The following DNMT3A variants were observed in gnomAD, a reference collection of about 807,000 sequenced individuals.
DNMT3A encodes the protein DNA methyltransferase 3 alpha.
Under a neutral mutation model 117.6 loss-of-function variants are expected in DNMT3A, and 267 were observed. That is an observed-to-expected ratio of 2.27 (90% CI 2.05 to 2.51). DNMT3A has a LOEUF of 2.51. Ranked by LOEUF, DNMT3A falls within the 30% of genes most tolerant of loss-of-function variation. The probability of loss-of-function intolerance (pLI) is 0.00; values close to 1 mark genes in which losing one functional copy is unlikely to be tolerated. For missense variants in DNMT3A, 1,029 were observed against 1,260.2 expected (o/e 0.82, Z 2.78); for synonymous variants, 432 against 474.8 (o/e 0.91, Z 1.17).
chr2:25,303,201 G>C (rs1430643587), intron 2 of DNMT3A, among the ~76,000 whole-genome samples: 1 of 152,228 alleles, frequency 6.6e-6, no homozygotes, highest in African/African-American at 2.4e-5. Flanking sequence ...ACTAATCAGA[G>C]ATGTGAAAGC....
chr2:25,301,356 T>TG (rs980736714), intron 2 of DNMT3A, among the ~76,000 whole-genome samples: 1 of 152,106 alleles, frequency 6.6e-6, no homozygotes, highest in African/African-American at 2.4e-5. Context: ...TGGACAACTA[T>TG]GGAAAGTGGA....
chr2:25,272,991 T>TTTTTTTTTTTTA (rs1553421119), intron 6 of DNMT3A, among the ~76,000 whole-genome samples: 29 of 147,852 alleles, frequency 2.0e-4, no homozygotes, highest in Admixed American at 3.3e-4. Flanking sequence ...TTTTTTTTTT[T>TTTTTTTTTTTTA]GAGACAGAGT....
intron 3 of DNMT3A, among the ~76,000 whole-genome samples, chr2:25,289,708 A>C (rs2032601911): frequency 6.6e-6 from 1 of 152,194 alleles, no homozygotes; most frequent in Non-Finnish European, 1.5e-5. Context: ...TGCAGTGCCC[A>C]AGAAAGGCCG....
In DNMT3A at chr2:25,235,794, G is replaced by T; in HGVS notation, c.2510C>A (p.Ser837Ter). The change falls in exon 22 of 23, where the codon TCA becomes TAA. Residue 837 changes from serine to a stop codon, truncating the protein, a stop_gained. Transcript: ENST00000321117. LOFTEE classifies it high-confidence loss of function. ...FSKVRTITTR[S>*]NSIKQGKDQH... ...GTCTTTGCCCTGCTTTATGGAGTTT[G>T]ACCTCGTAGTAATGGTCCTCACTTT... The T allele has an allele frequency of 6.2e-7, 1 of 1,614,146 alleles. No individual in the cohort carries two copies. Among genetic ancestry groups the T allele is most frequent in the Non-Finnish European group, 8.5e-7 (1 of 1,180,002 alleles).
chr2:25,266,259 T>C (rs1299037781), intron 6 of DNMT3A, among the ~76,000 whole-genome samples: 2 of 152,208 alleles, frequency 1.3e-5, no homozygotes, highest in African/African-American at 4.8e-5. Context: ...CCAAACATCA[T>C]CATCTCCTTC....
chr2:25,329,132 C>T (rs1007206488), intron 1 of DNMT3A, among the ~76,000 whole-genome samples: 11 of 152,196 alleles, frequency 7.2e-5, no homozygotes, highest in Admixed American at 2.0e-4. Context: ...CCTTTCTCCT[C>T]ATCGTCTGTC....
intron 4 of DNMT3A, among the ~76,000 whole-genome samples, chr2:25,278,360 T>C (rs1325530979): frequency 6.6e-6 from 1 of 152,210 alleles, no homozygotes; most frequent in Non-Finnish European, 1.5e-5. Context: ...GACCAGGCTG[T>C]AGCCAGGTTT....
At position 25,305,443 on chromosome 2, in the gene DNMT3A, T is replaced by G. The variant is rs1350638795; in HGVS notation, c.73-5200A>C. The stretch of plus-strand genomic sequence containing the variant: ...GCGCTGGGCTATGACGATAATAATC[T>G]CTCACATTTGCACTGAACGTGGTAA... On this transcript the variant is annotated intron_variant, in intron 2 of 22. Coordinates refer to ENST00000321117, the MANE Select transcript of DNMT3A (RefSeq NM_022552.5). This position sits in a 1 kb window ranked among gnomAD's most constrained non-coding sequence, Gnocchi z 4.1. Among the ~76,000 whole-genome samples the G allele has an allele frequency of 1.3e-5, 2 of 152,230 alleles. No individual in the cohort carries two copies. Among genetic ancestry groups the G allele is most frequent in the Admixed American group, 6.5e-5 (1 of 15,284 alleles).
rs368553645 is a variant in DNMT3A, at chr2:25,296,482, C to T, written c.177+3657G>A. 7.0e-4 allele frequency among the ~76,000 whole-genome samples: 106 copies of T among 152,226 alleles called. 1 individual carries two copies. The highest frequency in any genetic ancestry group is 1.3e-3 in the Admixed American group (20 of 15,296). On this transcript the variant is annotated intron_variant, in intron 3 of 22. Transcript: ENST00000321117. The surrounding 1 kb of genome is among the most constrained non-coding windows in gnomAD (Gnocchi z 4.2). Reference sequence around the variant, plus strand: ...TGAGGGGCTGGAATTCAGATCTTGTCCCCTAAAAAATGGAGTCCCGGGGGG... The same window carrying T: ...TGAGGGGCTGGAATTCAGATCTTGTTCCCTAAAAAATGGAGTCCCGGGGGG...
At position 25,286,624 on chromosome 2, in the gene DNMT3A, T is replaced by C. The variant is rs375343064; in HGVS notation, c.178-3913A>G. On this transcript the variant is annotated intron_variant, in intron 3 of 22. Coordinates refer to ENST00000321117, the MANE Select transcript of DNMT3A (RefSeq NM_022552.5). This position sits in a 1 kb window ranked among gnomAD's most constrained non-coding sequence, Gnocchi z 4.3. ...ATCAAGAACTCCCTCAAGCTAAGTG[T>C]GGCCCCTCAATGGGGCTCTCTGGGG... Among the ~76,000 whole-genome samples, 4 of 152,332 alleles carry C rather than the reference T, an allele frequency of 2.6e-5. No individual in the cohort carries two copies. The East Asian group carries it at 7.7e-4, about 29-fold the overall frequency.
chr2:25,258,755 C>T (rs552831072), intron 6 of DNMT3A, among the ~76,000 whole-genome samples: 1 of 152,300 alleles, frequency 6.6e-6, no homozygotes, highest in South Asian at 2.1e-4. Context: ...TGGGCACAAC[C>T]TCCCAGGTTT....
intron 16 of DNMT3A, among the ~76,000 whole-genome samples, chr2:25,243,440 C>A (rs796912320): frequency 1.7e-4 from 26 of 152,172 alleles, no homozygotes; most frequent in African/African-American, 5.8e-4. Flanking sequence ...GTTATATAAA[C>A]ACAAACGCAC....
At position 25,228,787 on chromosome 2, in the gene DNMT3A, C is replaced by A. The variant is rs904100570; in HGVS notation, c.*5492G>T. The A allele has an allele frequency of 1.3e-5, 2 of 152,220 alleles. No individual in the cohort carries two copies. The highest frequency in any genetic ancestry group is 4.8e-5 in the African/African-American group (2 of 41,450). 9.4% of individuals were successfully genotyped at this position (152,220 alleles called of 1,614,324 possible). A position where few individuals can be genotyped will look rare whatever the true frequency, so the allele number is the denominator to read the frequency against. On this transcript the variant is annotated 3_prime_UTR_variant, in exon 23 of 23. Transcript: ENST00000321117. ...CAGCATTTTTGTTGTCTGTTGAATT[C>A]TAGGGCTGTGCAACCAAATCGGTCT...
rs2149271264 is a variant in DNMT3A, at chr2:25,240,326, C to A, written c.2298G>T (p.Lys766Asn). Reference protein sequence around the residue: ...ENVVAMGVSDKRDISRFLESN... With the variant: ...ENVVAMGVSDNRDISRFLESN... Reference sequence around the variant, plus strand: ...CCTCGAGAAATCGCGAGATGTCCCTCTTGTCACTAACGCCCATGGCCACCA... The same window carrying A: ...CCTCGAGAAATCGCGAGATGTCCCTATTGTCACTAACGCCCATGGCCACCA... Residue 766 changes from lysine to asparagine, a missense_variant, in exon 19 of 23, where the codon AAG becomes AAT. Transcript: ENST00000321117. 1 of 1,614,224 alleles carries A rather than the reference C, an allele frequency of 6.2e-7. No homozygotes were observed. Among genetic ancestry groups the A allele is most frequent in the Non-Finnish European group, 8.5e-7 (1 of 1,180,042 alleles).
At chr2:25,250,106 T>A (rs1212760973) in intron 6 of DNMT3A, among the ~76,000 whole-genome samples, 1 of 152,216 alleles carries the variant, frequency 6.6e-6, no homozygotes, top group Non-Finnish European at 1.5e-5. Context: ...AAAGCTTTTC[T>A]GACCTGTTTA....
chr2:25,238,475 G>A (rs1248077302), intron 20 of DNMT3A, among the ~76,000 whole-genome samples: 3 of 152,124 alleles, frequency 2.0e-5, no homozygotes, highest in African/African-American at 7.2e-5. Flanking sequence ...CAATGGACAG[G>A]GACTGAGCGG....
intron 4 of DNMT3A, among the ~76,000 whole-genome samples, chr2:25,276,820 CAAAG>C (rs1423002470): frequency 6.6e-6 from 1 of 152,238 alleles, no homozygotes; most frequent in Non-Finnish European, 1.5e-5. Context: ...TGGGGGGAGA[CAAAG>C]AGCCTGAAAC....
intron 19 of DNMT3A, 88 bp downstream of exon 19, chr2:25,240,214 G>C: frequency 6.4e-7 from 1 of 1,574,146 alleles, no homozygotes; most frequent in Non-Finnish European, 8.6e-7. Flanking sequence ...CCAGTCCCCA[G>C]CTCCACAATG....
rs1672999694 is a variant in DNMT3A at position 25,233,614 on chromosome 2, C to T, written c.*665G>A. ...GGTGTTCTCGTCTCCCTGCTGCTAA[C>T]TGGGTTCTGTTTTGCGTGACCAGGA... On this transcript the variant is annotated 3_prime_UTR_variant, in exon 23 of 23. Coordinates refer to ENST00000321117, the MANE Select transcript of DNMT3A (RefSeq NM_022552.5). The T allele has an allele frequency of 4.3e-6, 1 of 233,200 alleles. No homozygotes were observed. The highest frequency in any genetic ancestry group is 1.8e-4 in the South Asian group (1 of 5,508). 14.4% of individuals were successfully genotyped at this position (233,200 alleles called of 1,614,324 possible).
Sources: allele counts gnomAD v4.1 joint callset (sites outside exome capture counted in the v4.1 genomes callset), GRCh38; gene constraint gnomAD v4.1.1; non-coding constraint Gnocchi (gnomAD v3.1); transcripts MANE v1.5; gene names NCBI Gene and HGNC (gene_info 2026-07-23, HGNC 2026-07-21).